MYOZ2: variants seen among roughly 807,000 people sequenced by gnomAD.
The protein encoded by MYOZ2 is myozenin 2, also known as myozenin-2.
A neutral mutation model predicts 25.4 loss-of-function variants in MYOZ2; 19 were observed. The ratio of observed to expected loss-of-function variants is 0.75; its 90% confidence interval spans 0.52 to 1.10. MYOZ2 has a LOEUF of 1.10. Among genes scored for constraint, MYOZ2 ranks in the 50% least tolerant of loss-of-function variants. The pLI, the probability that MYOZ2 is intolerant of heterozygous loss-of-function variation, is 0.00. For synonymous variants in MYOZ2, 92 were observed against 106.9 expected (o/e 0.86, Z 0.86); for missense variants, 270 against 317.9 (o/e 0.85, Z 1.15).
chr4:119,168,769 T>G (rs1741887466), intron 5 of MYOZ2, among the ~76,000 whole-genome samples: 1 of 152,178 alleles, frequency 6.6e-6, no homozygotes. Context: ...GAAAGTGGTT[T>G]CTTGAGATGG....
At chr4:119,170,878 A>G (rs1301379918) in intron 5 of MYOZ2, among the ~76,000 whole-genome samples, 2 of 152,224 alleles carry the variant, frequency 1.3e-5, no homozygotes, top group African/African-American at 4.8e-5. Context: ...CAAAAGGCAC[A>G]TGATTGTAAA....
chr4:119,157,086 A>C (rs910252560), intron 3 of MYOZ2, among the ~76,000 whole-genome samples: 2 of 152,214 alleles, frequency 1.3e-5, no homozygotes, highest in African/African-American at 2.4e-5. Context: ...TTACAAACAA[A>C]TATAGAAATT....
At chr4:119,177,202 C>T (rs1742093201) in intron 5 of MYOZ2, among the ~76,000 whole-genome samples, 1 of 152,166 alleles carries the variant, frequency 6.6e-6, no homozygotes, top group African/African-American at 2.4e-5. Context: ...ATGATCATTC[C>T]ATTTTACACA....
At chr4:119,166,711 G>C (rs375541341) in intron 5 of MYOZ2, among the ~76,000 whole-genome samples, 1 of 152,158 alleles carries the variant, frequency 6.6e-6, no homozygotes, top group Non-Finnish European at 1.5e-5. Flanking sequence ...TGTCAAGCAA[G>C]TCTATTGGTG....
At chr4:119,165,083 C>G (rs990845341) in intron 5 of MYOZ2, among the ~76,000 whole-genome samples, 2 of 148,794 alleles carry the variant, frequency 1.3e-5, no homozygotes, top group Non-Finnish European at 3.0e-5. Flanking sequence ...ATCTAGTATG[C>G]TGTCTCACAC....
rs148908208 is a variant in MYOZ2 at position 119,150,941 on chromosome 4, A to G, written c.146A>G (p.His49Arg). The change falls in exon 3 of 6, where the codon CAT (histidine) becomes CGT (arginine). Residue 49 changes from histidine to arginine, a missense_variant. By Grantham distance (29) the His-to-Arg change is conservative. Transcript: ENST00000307128. ...PRDIMLEELS[H>R]LSNRGARLFK... ...GACATCATGTTGGAAGAATTATCCCATCTCAGTAACCGTGGTGCCAGGCTA... is the reference window on the plus strand; with the variant it reads ...GACATCATGTTGGAAGAATTATCCCGTCTCAGTAACCGTGGTGCCAGGCTA... 56 of 1,613,858 alleles carry G rather than the reference A, an allele frequency of 3.5e-5. No individual in the cohort carries two copies. The African/African-American group carries it at 5.7e-4, about 17-fold the overall frequency.
chr4:119,170,217 C>G (rs1406083467), intron 5 of MYOZ2, among the ~76,000 whole-genome samples: 1 of 151,934 alleles, frequency 6.6e-6, no homozygotes. Context: ...CACCATTCTA[C>G]TTTCTGTCTC....
chr4:119,143,907 GT>G (rs1168684389), intron 2 of MYOZ2, among the ~76,000 whole-genome samples: 3 of 151,938 alleles, frequency 2.0e-5, no homozygotes, highest in Admixed American at 6.6e-5. Context: ...TTTATTTTGA[GT>G]TTTTTTTAGA....
Position 119,186,366 on chromosome 4 carries a change from A to C in MYOZ2, c.*166A>C. The C allele has an allele frequency of 1.7e-6, 1 of 601,976 alleles. No homozygotes were observed. Among genetic ancestry groups the C allele is most frequent in the African/African-American group, 1.9e-5 (1 of 53,658 alleles). The allele number at this position is 601,976 out of a possible 1,614,324, so 37.3% of individuals were successfully genotyped here. ...TCAATCTCAGATCAAATACTAATAA[A>C]CAATTAGAAATCTTACTTTAAAAAA... On this transcript the variant is annotated 3_prime_UTR_variant, in exon 6 of 6. Transcript: ENST00000307128.
intron 5 of MYOZ2, among the ~76,000 whole-genome samples, chr4:119,167,613 C>T (rs563384705): frequency 6.6e-6 from 1 of 152,310 alleles, no homozygotes; most frequent in African/African-American, 2.4e-5. Flanking sequence ...CCATCTATGG[C>T]TTCCATAGCT....
chr4:119,164,892 C>T (rs1200156528), intron 5 of MYOZ2, among the ~76,000 whole-genome samples: 1 of 151,894 alleles, frequency 6.6e-6, no homozygotes, highest in African/African-American at 2.4e-5. Context: ...CAACCCAAAA[C>T]TTATGCTATC....
At chr4:119,180,416 C>G (rs1742163173) in intron 5 of MYOZ2, among the ~76,000 whole-genome samples, 1 of 152,232 alleles carries the variant, frequency 6.6e-6, no homozygotes, top group Admixed American at 6.5e-5. Context: ...CTTTACTCCA[C>G]TCTCATCCCC....
At chr4:119,161,513 CAT>C (rs540939897) in intron 4 of MYOZ2, among the ~76,000 whole-genome samples, 9 of 152,062 alleles carry the variant, frequency 5.9e-5, no homozygotes, top group East Asian at 3.9e-4. Flanking sequence ...TATATTAAAA[CAT>C]ATTTAAAAAT....
At chr4:119,183,963 C>G (rs946287818) in intron 5 of MYOZ2, among the ~76,000 whole-genome samples, 1 of 151,882 alleles carries the variant, frequency 6.6e-6, no homozygotes, top group African/African-American at 2.4e-5. Context: ...TACAGGCATG[C>G]GCCACCATGC....
At chr4:119,137,176 A>G (rs1023416499) in intron 2 of MYOZ2, among the ~76,000 whole-genome samples, 4 of 152,144 alleles carry the variant, frequency 2.6e-5, no homozygotes, top group Admixed American at 6.6e-5. Flanking sequence ...GAGAAAATAT[A>G]AAGTTATTGT....
chr4:119,141,288 T>C (rs1469780561), intron 2 of MYOZ2, among the ~76,000 whole-genome samples: 1 of 152,234 alleles, frequency 6.6e-6, no homozygotes, highest in Non-Finnish European at 1.5e-5. Flanking sequence ...TGAGTGTCTT[T>C]GCAAACTATG....
intron 5 of MYOZ2, among the ~76,000 whole-genome samples, chr4:119,169,030 A>T (rs1327934551): frequency 6.6e-6 from 1 of 152,238 alleles, no homozygotes; most frequent in Non-Finnish European, 1.5e-5. Flanking sequence ...GCCACAATCA[A>T]TCCAACATTC....
At chr4:119,185,844 AG>A in intron 5 of MYOZ2, 121 bp from the exon 6 acceptor site, 1 of 784,340 alleles carries the variant, frequency 1.3e-6, no homozygotes, top group Admixed American at 2.3e-5. Flanking sequence ...AATATAAGTA[AG>A]CCCATAAAAT....
intron 3 of MYOZ2, among the ~76,000 whole-genome samples, chr4:119,154,950 T>C (rs1206620959): frequency 1.3e-5 from 2 of 151,902 alleles, no homozygotes; most frequent in African/African-American, 4.8e-5. Context: ...AGGTACTTTA[T>C]AAAGAAAAGA....
Sources: allele counts gnomAD v4.1 joint callset (sites outside exome capture counted in the v4.1 genomes callset), GRCh38; gene constraint gnomAD v4.1.1; transcripts MANE v1.5; gene names NCBI Gene and HGNC (gene_info 2026-07-23, HGNC 2026-07-21).